The following PPP1R9A variants were observed in gnomAD, a reference collection of about 807,000 sequenced individuals.
The protein encoded by PPP1R9A is protein phosphatase 1 regulatory subunit 9A, also known as neurabin-1.
PPP1R9A carries 59 observed loss-of-function variants against 141.9 expected under a neutral mutation model. That is an observed-to-expected ratio of 0.42 (90% CI 0.34 to 0.52). PPP1R9A has a LOEUF of 0.52. PPP1R9A is among the 20% of genes least tolerant of loss of function. The probability of loss-of-function intolerance (pLI) is 0.10; values close to 1 mark genes in which losing one functional copy is unlikely to be tolerated. For synonymous variants in PPP1R9A, 500 were observed against 569.7 expected (o/e 0.88, Z 1.74); for missense variants, 1,444 against 1,611.9 (o/e 0.90, Z 1.78).
intron 3 of PPP1R9A, among the ~76,000 whole-genome samples, chr7:95,112,372 C>T (rs1206950365): frequency 5.3e-5 from 8 of 152,164 alleles, no homozygotes; most frequent in Non-Finnish European, 1.0e-4. Flanking sequence ...CACCATCTCA[C>T]ACCAGTCAGA....
At chr7:95,211,677 C>A (rs1421739868) in intron 7 of PPP1R9A, among the ~76,000 whole-genome samples, 1 of 152,060 alleles carries the variant, frequency 6.6e-6, no homozygotes, top group African/African-American at 2.4e-5. Context: ...AAATTACAGA[C>A]TGACATATAA....
At chr7:95,212,228 A>C (rs1470386439) in intron 7 of PPP1R9A, among the ~76,000 whole-genome samples, 2 of 152,164 alleles carry the variant, frequency 1.3e-5, no homozygotes, top group African/African-American at 4.8e-5. Context: ...TTCAGGGTAC[A>C]TGTGACAATT....
chr7:95,245,003 T>G (rs971610256), intron 8 of PPP1R9A, among the ~76,000 whole-genome samples: 23 of 152,186 alleles, frequency 1.5e-4, no homozygotes, highest in African/African-American at 5.5e-4. Context: ...ATTCAAGCAG[T>G]CTAAGTTAAC....
Position 95,195,467 on chromosome 7 carries a change from C to A in PPP1R9A, c.1755-2882C>A, listed in dbSNP as rs114824844. On this transcript the variant is annotated intron_variant, in intron 5 of 19. Coordinates refer to ENST00000433360, the MANE Select transcript of PPP1R9A (RefSeq NM_001166160.2). ...GGCTTTTTTTTTTTTTTTTAAGGGA[C>A]GGGTCTCATTGTGTTACTTAGGCTG... Among the ~76,000 whole-genome samples, 6 of 146,088 alleles carry A rather than the reference C, an allele frequency of 4.1e-5. No homozygotes were observed. In the Admixed American group the frequency reaches 4.1e-4, roughly 10 times the overall value.
At chr7:94,992,628 A>T (rs889288077) in intron 2 of PPP1R9A, among the ~76,000 whole-genome samples, 10 of 152,176 alleles carry the variant, frequency 6.6e-5, no homozygotes, top group African/African-American at 2.2e-4. Context: ...CCATGCCAGC[A>T]CTTGGGCTGG....
chr7:95,044,015 CCTT>C (rs1238805793), intron 2 of PPP1R9A, among the ~76,000 whole-genome samples: 1 of 152,202 alleles, frequency 6.6e-6, no homozygotes, highest in African/African-American at 2.4e-5. Context: ...AGATTTAAAT[CCTT>C]CTTATTGCAG....
At chr7:95,213,958 T>C (rs960770736) in intron 7 of PPP1R9A, among the ~76,000 whole-genome samples, 1 of 152,162 alleles carries the variant, frequency 6.6e-6, no homozygotes, top group African/African-American at 2.4e-5. Context: ...TTTGTGTCAC[T>C]ACATAATAAG....
chr7:95,175,870 T>C (rs529368322), intron 5 of PPP1R9A, among the ~76,000 whole-genome samples: 1 of 152,238 alleles, frequency 6.6e-6, no homozygotes, highest in Admixed American at 6.5e-5. Context: ...AGAAAATAAT[T>C]AATCTGAGGG....
chr7:94,978,575 T>C (rs1799737186), intron 2 of PPP1R9A, among the ~76,000 whole-genome samples: 1 of 151,614 alleles, frequency 6.6e-6, no homozygotes, highest in Non-Finnish European at 1.5e-5. Context: ...TATCTTGATC[T>C]TTTTTTTGTG....
intron 5 of PPP1R9A, among the ~76,000 whole-genome samples, chr7:95,193,181 A>G (rs1179826745): frequency 6.6e-6 from 1 of 152,096 alleles, no homozygotes; most frequent in Non-Finnish European, 1.5e-5. Flanking sequence ...TATTATTGCA[A>G]ATCTGTGCTT....
chr7:95,166,322 G>A (rs1189766501), intron 5 of PPP1R9A, among the ~76,000 whole-genome samples: 2 of 152,056 alleles, frequency 1.3e-5, no homozygotes, highest in Non-Finnish European at 2.9e-5. Context: ...GCTTTTTGCT[G>A]TGTATAAGTA....
intron 7 of PPP1R9A, among the ~76,000 whole-genome samples, chr7:95,210,846 A>C (rs903363641): frequency 1.3e-5 from 2 of 152,156 alleles, no homozygotes; most frequent in African/African-American, 2.4e-5. Flanking sequence ...TGTCCTTTGC[A>C]AGGACATGGT....
chr7:95,217,799 G>A (rs1354810063), intron 7 of PPP1R9A, among the ~76,000 whole-genome samples: 2 of 152,338 alleles, frequency 1.3e-5, no homozygotes, highest in East Asian at 3.9e-4. Flanking sequence ...TTGTATTTCT[G>A]TGGGATCAGT....
intron 4 of PPP1R9A, among the ~76,000 whole-genome samples, chr7:95,160,756 T>A (rs1366035335): frequency 6.6e-6 from 1 of 152,202 alleles, no homozygotes; most frequent in Non-Finnish European, 1.5e-5. Flanking sequence ...AACTTACACT[T>A]ATAAGTGAGA....
At chr7:95,247,789 T>C (rs1268546662) in intron 9 of PPP1R9A, among the ~76,000 whole-genome samples, 1 of 152,152 alleles carries the variant, frequency 6.6e-6, no homozygotes, top group Non-Finnish European at 1.5e-5. Context: ...CCTTAAAAAG[T>C]AATATTTTTA....
Position 95,238,456 on chromosome 7 carries a change from A to C in PPP1R9A, c.2113-9017A>C, listed in dbSNP as rs552303960. On this transcript the variant is annotated intron_variant, in intron 8 of 19. Coordinates refer to ENST00000433360, the MANE Select transcript of PPP1R9A (RefSeq NM_001166160.2). ...GTTATGTGGAGAAGACTAAAGATTA[A>C]ATTGCTGGCCCCCATTCCTGGTTAC... Among the ~76,000 whole-genome samples the C allele has an allele frequency of 5.3e-5, 8 of 152,172 alleles. No individual in the cohort carries two copies. The East Asian group carries it at 1.5e-3, about 29-fold the overall frequency.
intron 4 of PPP1R9A, among the ~76,000 whole-genome samples, chr7:95,150,782 T>TAAAACC (rs200177259): frequency 0.014 from 2,177 of 152,304 alleles, 23 homozygotes; most frequent in Non-Finnish European, 0.022. Context: ...GGACTGTTAT[T>TAAAACC]TAAAGTATAC....
chr7:95,262,094 C>A (rs1800516218), intron 12 of PPP1R9A, among the ~76,000 whole-genome samples: 1 of 152,110 alleles, frequency 6.6e-6, no homozygotes, highest in African/African-American at 2.4e-5. Context: ...TACCTAATAT[C>A]CATAGATTTT....
chr7:94,949,160 C>T (rs559249372), intron 2 of PPP1R9A, among the ~76,000 whole-genome samples: 7 of 152,200 alleles, frequency 4.6e-5, no homozygotes, highest in African/African-American at 1.7e-4. Flanking sequence ...CTAAGCAGAG[C>T]AGGTTTGTGG....
Sources: gnomAD v4.1 joint callset for allele counts (sites outside exome capture counted in the v4.1 genomes callset) on GRCh38, gnomAD v4.1.1 for gene constraint, MANE v1.5 for transcripts, NCBI Gene and HGNC (gene_info 2026-07-23, HGNC 2026-07-21) for gene names.